The following TTF1 variants were observed in gnomAD, a reference collection of about 807,000 sequenced individuals.
TTF1 encodes transcription termination factor 1.
A neutral mutation model predicts 80.2 loss-of-function variants in TTF1; 64 were observed. That is an observed-to-expected ratio of 0.80 (90% CI 0.65 to 0.98). The LOEUF is 0.98. Ranked by LOEUF, TTF1 falls within the 50% of genes least tolerant of loss-of-function variation. TTF1 has a pLI of 0.00. For missense variants in TTF1, 1,023 were observed against 1,086.2 expected, an observed-to-expected ratio of 0.94 and a Z score of 0.82; for synonymous variants, 372 against 382.7, an observed-to-expected ratio of 0.97 and a Z score of 0.33.
At chr9:132,388,118 A>G (rs1849501569) in intron 8 of TTF1, 21 bp downstream of exon 8, 2 of 1,586,280 alleles carry the variant, frequency 1.3e-6, no homozygotes, top group East Asian at 4.5e-5. Flanking sequence ...GTTAAGAGGC[A>G]TCCGTTTCTA....
chr9:132,397,435 C>T (rs917737153), intron 4 of TTF1, among the ~76,000 whole-genome samples: 3 of 152,198 alleles, frequency 2.0e-5, no homozygotes, highest in African/African-American at 7.2e-5. Context: ...CTTCTAACTT[C>T]ACAGGCAGCA....
chr9:132,396,676 T>G, intron 4 of TTF1, among the ~76,000 whole-genome samples, 165 bp from the exon 5 acceptor site: 1 of 10,776 alleles, frequency 9.3e-5, no homozygotes, highest in African/African-American at 1.4e-4. Context: ...TTTTGTTTGT[T>G]TTTTTTTTTT....
intron 1 of TTF1, among the ~76,000 whole-genome samples, chr9:132,404,392 CTCTCTG>C (rs1849824091): frequency 6.6e-6 from 1 of 152,132 alleles, no homozygotes; most frequent in Non-Finnish European, 1.5e-5. Flanking sequence ...CATCCTCTCT[CTCTCTG>C]TCTCGCTGCA....
At chr9:132,404,120 C>T (rs984260251) in intron 1 of TTF1, among the ~76,000 whole-genome samples, 2 of 151,620 alleles carry the variant, frequency 1.3e-5, no homozygotes, top group East Asian at 3.9e-4. Flanking sequence ...ACATTTACGT[C>T]GTACAAAAAT....
intron 9 of TTF1, among the ~76,000 whole-genome samples, chr9:132,386,329 G>C (rs1038129100): frequency 3.3e-5 from 5 of 152,146 alleles, no homozygotes; most frequent in South Asian, 2.1e-4. Flanking sequence ...ATGAAAACCT[G>C]ATCTACCTAG....
intron 5 of TTF1, among the ~76,000 whole-genome samples, chr9:132,394,978 G>A (rs898010383): frequency 1.3e-5 from 2 of 151,510 alleles, no homozygotes; most frequent in African/African-American, 4.8e-5. Flanking sequence ...GATCGCCTGA[G>A]GTCAGGAGTT....
chr9:132,392,324 C>G, intron 5 of TTF1, 118 bp from the exon 6 acceptor site: 4 of 1,223,338 alleles, frequency 3.3e-6, no homozygotes, highest in Non-Finnish European at 4.6e-6. Flanking sequence ...TGTCAGGGAA[C>G]CCGGTCACAG....
chr9:132,404,925 G>A (rs1340833410), intron 1 of TTF1, among the ~76,000 whole-genome samples: 1 of 150,534 alleles, frequency 6.6e-6, no homozygotes, highest in African/African-American at 2.5e-5. Context: ...TTGCTCTGTC[G>A]CCCAGGCTGG....
chr9:132,377,485 GT>G (rs1849225596), intron 10 of TTF1, among the ~76,000 whole-genome samples: 3 of 39,456 alleles, frequency 7.6e-5, no homozygotes, highest in Non-Finnish European at 2.4e-4. Flanking sequence ...GTGAATGCAT[GT>G]GGTGTGTGTG....
chr9:132,383,529 A>G (rs1161558643), intron 9 of TTF1, among the ~76,000 whole-genome samples: 1 of 152,212 alleles, frequency 6.6e-6, no homozygotes, highest in African/African-American at 2.4e-5. Flanking sequence ...AAGTGAACGT[A>G]GCAGAATGTT....
intron 10 of TTF1, among the ~76,000 whole-genome samples, 197 bp downstream of exon 10, chr9:132,378,862 C>T (rs1250328451): frequency 3.9e-5 from 6 of 152,008 alleles, no homozygotes; most frequent in Admixed American, 1.3e-4. Context: ...CCGGGATGAC[C>T]ACACCCTACA....
chr9:132,398,111 T>C, intron 4 of TTF1, 30 bp downstream of exon 4: 5 of 1,518,554 alleles, frequency 3.3e-6, no homozygotes, highest in Non-Finnish European at 4.4e-6. Context: ...AGGCTGTGGA[T>C]GGTCAAAGGG....
chr9:132,378,683 T>TGTGTGCATAC (rs1564182482), intron 10 of TTF1, among the ~76,000 whole-genome samples: 55 of 136,260 alleles, frequency 4.0e-4, no homozygotes, highest in African/African-American at 1.5e-3. Flanking sequence ...ATGCATGTGG[T>TGTGTGCATAC]GTGTGTGAGT....
intron 5 of TTF1, among the ~76,000 whole-genome samples, chr9:132,392,451 T>G (rs186386326): frequency 6.6e-6 from 1 of 152,154 alleles, no homozygotes; most frequent in Non-Finnish European, 1.5e-5. Context: ...TTAGCCCTTC[T>G]TCAGCTCAGA....
chr9:132,406,569 T>C (rs1589830618), intron 1 of TTF1, among the ~76,000 whole-genome samples: 1 of 144,458 alleles, frequency 6.9e-6, no homozygotes, highest in African/African-American at 2.6e-5. Flanking sequence ...GCCACCGCAC[T>C]CCAGCCTGGG....
chr9:132,406,603 TA>T (rs35899253), intron 1 of TTF1, among the ~76,000 whole-genome samples, 186 bp downstream of exon 1: 90,804 of 125,412 alleles, frequency 0.72, 33,052 homozygotes, highest in Non-Finnish European at 0.81. Flanking sequence ...ACTCCATCTT[TA>T]AAAAAAAAAA....
rs1849571869 is a variant in TTF1 at position 132,392,155 on chromosome 9, C to T, written c.1908G>A (p.Gly636=). Residue 636 remains glycine (G), a synonymous_variant, in exon 6 of 11, where the codon GGG becomes GGA. Coordinates refer to ENST00000334270, the MANE Select transcript of TTF1 (RefSeq NM_007344.4). ...EKLKMYHSLL[G]NDWKTIGEMV... ...TCTCACCAATCGTCTTCCAGTCATT[C>T]CCAAGGAGAGAATGGTACATCTTTA... 3 of 1,614,160 alleles carry T rather than the reference C, an allele frequency of 1.9e-6. No individual in the cohort carries two copies. In the African/African-American group the frequency reaches 4.0e-5, roughly 22 times the overall value.
Position 132,402,435 on chromosome 9 carries a change from A to G in TTF1, c.387T>C (p.Asp129=), listed in dbSNP as rs767375797. The change falls in exon 2 of 11, where the codon GAT becomes GAC. Residue 129 remains aspartate (D), a synonymous_variant. Transcript: ENST00000334270. ...FRKDVDVVCV[D]MSIEQKLPRK... is the part of the protein sequence containing the mutation. ...TTGGTAACTTCTGTTCTATGCTCATATCAACACAAACAACATCAACATCCT... is the reference window on the plus strand; with the variant it reads ...TTGGTAACTTCTGTTCTATGCTCATGTCAACACAAACAACATCAACATCCT... 39 of 1,614,118 alleles carry G rather than the reference A, an allele frequency of 2.4e-5. No individual in the cohort carries two copies. In the South Asian group the frequency reaches 3.6e-4, roughly 15 times the overall value.
In TTF1 at chr9:132,401,450, G is replaced by C. The variant is rs768424193; in HGVS notation, c.1367+5C>G. On this transcript the variant is annotated splice_donor_5th_base_variant and intron_variant, in intron 2 of 10. Transcript: ENST00000334270. ...CCAGCAGCTGGAATACCACTCCCTC[G>C]TTACCTTGGCGCCTCTTGCACGTGC... The C allele has an allele frequency of 8.7e-6, 14 of 1,600,238 alleles. No homozygotes were observed. The East Asian group carries it at 2.9e-4, about 33-fold the overall frequency.
Sources: gnomAD v4.1 joint callset for allele counts (sites outside exome capture counted in the v4.1 genomes callset) on GRCh38, gnomAD v4.1.1 for gene constraint, MANE v1.5 for transcripts, NCBI Gene and HGNC (gene_info 2026-07-23, HGNC 2026-07-21) for gene names.